The following URI1 variants were observed in gnomAD, a reference collection of about 807,000 sequenced individuals.
The protein encoded by URI1 is URI1 prefoldin like chaperone.
Under a neutral mutation model 60.2 loss-of-function variants are expected in URI1, and 39 were observed. That is an observed-to-expected ratio of 0.65 (90% CI 0.50 to 0.85). The LOEUF (loss-of-function observed/expected upper bound fraction) is 0.85. URI1 is among the 40% of genes least tolerant of loss of function. URI1 has a pLI of 0.00. For synonymous variants in URI1, 251 were observed against 236.8 expected, an observed-to-expected ratio of 1.06 and a Z score of -0.55; for missense variants, 691 against 665.9, an observed-to-expected ratio of 1.04 and a Z score of -0.42.
At chr19:30,010,375 G>T (rs1160372984) in intron 8 of URI1, among the ~76,000 whole-genome samples, 1 of 152,188 alleles carries the variant, frequency 6.6e-6, no homozygotes, top group East Asian at 1.9e-4. Context: ...GACTGAAGGG[G>T]TCTTCCCCTG....
At chr19:29,962,916 A>C (rs1156736809) in intron 1 of URI1, among the ~76,000 whole-genome samples, 2 of 152,148 alleles carry the variant, frequency 1.3e-5, no homozygotes, top group African/African-American at 4.8e-5. Context: ...CCAGCATTTC[A>C]AGATACTCTG....
intron 1 of URI1, among the ~76,000 whole-genome samples, chr19:29,953,696 T>C (rs1334768658): frequency 6.6e-6 from 1 of 151,574 alleles, no homozygotes; most frequent in Non-Finnish European, 1.5e-5. Context: ...TATTAGTTTT[T>C]TTTTTTTAGA....
At chr19:30,003,611 C>G (rs1314625835) in intron 4 of URI1, among the ~76,000 whole-genome samples, 1 of 152,058 alleles carries the variant, frequency 6.6e-6, no homozygotes, top group Non-Finnish European at 1.5e-5. Flanking sequence ...CTTTTTCTTA[C>G]ATGCGTGAGT....
At chr19:29,982,980 G>T (rs1231946007) in intron 2 of URI1, among the ~76,000 whole-genome samples, 1 of 152,096 alleles carries the variant, frequency 6.6e-6, no homozygotes, top group Non-Finnish European at 1.5e-5. Flanking sequence ...GTAGAGCTTG[G>T]GATTCACTCT....
intron 1 of URI1, among the ~76,000 whole-genome samples, chr19:29,964,855 GTTTTT>G (rs1184124643): frequency 1.5e-5 from 2 of 136,776 alleles, no homozygotes. Flanking sequence ...ATATTTTCCT[GTTTTT>G]TTTTTTTTTT....
In URI1 at chr19:30,007,588, T is replaced by C; in HGVS notation, c.636T>C (p.Ala212=). 6.2e-7 allele frequency: 1 copy of C among 1,613,038 alleles called. No homozygotes were observed. The highest frequency in any genetic ancestry group is 8.5e-7 in the Non-Finnish European group (1 of 1,179,390). ...TGCTAGCTGATAAAGAACTGTGGGC[T>C]CGACTTGAAGAACTAGAGAGACAGG... ...KDLLADKELW[A]RLEELERQEE... Residue 212 remains alanine, a synonymous_variant, in exon 7 of 11, where the codon GCT becomes GCC. Coordinates refer to ENST00000392271, the MANE Select transcript of URI1 (RefSeq NM_003796.3).
intron 2 of URI1, among the ~76,000 whole-genome samples, chr19:29,975,200 G>A (rs2055505548): frequency 6.6e-6 from 1 of 151,986 alleles, no homozygotes; most frequent in South Asian, 2.1e-4. Flanking sequence ...CAGTGTAAAA[G>A]CATTCCTTTT....
chr19:29,935,138 G>T (rs2054958056), intron 1 of URI1, among the ~76,000 whole-genome samples: 1 of 151,916 alleles, frequency 6.6e-6, no homozygotes, highest in Admixed American at 6.6e-5. Context: ...AGATTTTAGT[G>T]TATCATTTTG....
At chr19:29,984,649 T>C (rs1219437651) in intron 2 of URI1, among the ~76,000 whole-genome samples, 2 of 152,184 alleles carry the variant, frequency 1.3e-5, no homozygotes, top group Non-Finnish European at 2.9e-5. Context: ...ATAATGCCAT[T>C]GCTAAACTGT....
At chr19:29,933,998 C>T (rs1304000569) in intron 1 of URI1, among the ~76,000 whole-genome samples, 1 of 135,108 alleles carries the variant, frequency 7.4e-6, no homozygotes, top group East Asian at 2.4e-4. Context: ...TGCAGTGGTG[C>T]CATCTCGGCT....
At chr19:30,005,589 G>T (rs2055931351) in intron 5 of URI1, 62 bp from the exon 6 acceptor site, 2 of 1,573,684 alleles carry the variant, frequency 1.3e-6, no homozygotes, top group South Asian at 1.2e-5. Flanking sequence ...TTGCTCTTTG[G>T]ATAATTTTAG....
chr19:29,927,168 C>A (rs2054875594), intron 1 of URI1, among the ~76,000 whole-genome samples: 1 of 151,820 alleles, frequency 6.6e-6, no homozygotes, highest in Non-Finnish European at 1.5e-5. Flanking sequence ...ATTCTGGAGA[C>A]TTTATTCCAG....
chr19:30,000,125 C>G (rs888695714), intron 4 of URI1, among the ~76,000 whole-genome samples: 3 of 151,800 alleles, frequency 2.0e-5, no homozygotes, highest in Admixed American at 1.3e-4. Context: ...AGTATTCATG[C>G]TTAGATATTA....
intron 4 of URI1, among the ~76,000 whole-genome samples, chr19:30,000,990 GTTC>G (rs2055871279): frequency 6.7e-6 from 1 of 149,952 alleles, no homozygotes; most frequent in Non-Finnish European, 1.5e-5. Context: ...CTTTTTTTTT[GTTC>G]TTTGGCTGTT....
upstream of URI1, among the ~76,000 whole-genome samples, chr19:29,938,827 C>A (rs1323932288): frequency 2.0e-5 from 3 of 151,694 alleles, no homozygotes; most frequent in Non-Finnish European, 4.4e-5. Context: ...CAGGTGACTG[C>A]CACCACACCT....
chr19:29,952,828 CA>C (rs1249594021), intron 1 of URI1, among the ~76,000 whole-genome samples: 1 of 152,184 alleles, frequency 6.6e-6, no homozygotes, highest in African/African-American at 2.4e-5. Flanking sequence ...TTCGTCACCC[CA>C]AACAGAAACT....
intron 4 of URI1, among the ~76,000 whole-genome samples, chr19:29,994,713 C>T (rs190030254): frequency 1.4e-4 from 21 of 151,322 alleles, no homozygotes; most frequent in Non-Finnish European, 2.9e-4. Flanking sequence ...TTATTTAGTT[C>T]CCTGCTTTAA....
At chr19:30,005,520 C>T in intron 5 of URI1, 68 bp downstream of exon 5, 1 of 1,487,400 alleles carries the variant, frequency 6.7e-7, no homozygotes, top group Non-Finnish European at 9.1e-7. Context: ...AGCTATCTTA[C>T]AGCCAAGGAA....
At chr19:29,993,033 G>T (rs141787513) in intron 4 of URI1, among the ~76,000 whole-genome samples, 3 of 152,090 alleles carry the variant, frequency 2.0e-5, no homozygotes, top group African/African-American at 4.8e-5. Context: ...TTATTTTACC[G>T]TGTGTCTTTT....
Sources: gnomAD v4.1 joint callset for allele counts (sites outside exome capture counted in the v4.1 genomes callset) on GRCh38, gnomAD v4.1.1 for gene constraint, MANE v1.5 for transcripts, NCBI Gene and HGNC (gene_info 2026-07-23, HGNC 2026-07-21) for gene names.